PHTF1: variants seen among roughly 807,000 people sequenced by gnomAD.
The protein encoded by PHTF1 is protein PHTF1.
PHTF1 carries 88 observed loss-of-function variants against 102.4 expected under a neutral mutation model. The observed-to-expected ratio is 0.86, with a 90% CI of 0.72 to 1.03. The LOEUF (loss-of-function observed/expected upper bound fraction) is 1.03. Ranked by LOEUF, PHTF1 falls within the 50% of genes least tolerant of loss-of-function variation. PHTF1 has a pLI of 0.00. For synonymous variants in PHTF1, 289 were observed against 305.2 expected, an observed-to-expected ratio of 0.95 and a Z score of 0.55; for missense variants, 814 against 909.5, an observed-to-expected ratio of 0.89 and a Z score of 1.35.
At chr1:113,753,665 C>A (rs1300811370) in intron 3 of PHTF1, among the ~76,000 whole-genome samples, 1 of 151,852 alleles carries the variant, frequency 6.6e-6, no homozygotes, top group Non-Finnish European at 1.5e-5. Flanking sequence ...TGAGCTCATG[C>A]AATCTGCCTG....
chr1:113,735,853 C>G (rs1655406195), intron 5 of PHTF1, among the ~76,000 whole-genome samples: 1 of 152,186 alleles, frequency 6.6e-6, no homozygotes, highest in African/African-American at 2.4e-5. Context: ...ACTCTTTGTT[C>G]TAATTCATAT....
chr1:113,697,342 T>C lies in PHTF1; in HGVS notation c.*363A>G, dbSNP rs1194464486. Reference sequence around the variant, plus strand: ...ATTTGCATATTTCCAATAAAAGATATTTGCTTCATGCTTTGGGCATCTATC... The same window carrying C: ...ATTTGCATATTTCCAATAAAAGATACTTGCTTCATGCTTTGGGCATCTATC... On this transcript the variant is annotated 3_prime_UTR_variant, in exon 19 of 19. Coordinates refer to ENST00000369604, the MANE Select transcript of PHTF1 (RefSeq NM_001323043.2). 5.6e-6 allele frequency: 1 copy of C among 178,684 alleles called. No homozygotes were observed. The highest frequency in any genetic ancestry group is 2.4e-5 in the African/African-American group (1 of 42,112). The allele number at this position is 178,684 out of a possible 1,614,324, so 11.1% of individuals were successfully genotyped here. A position where few individuals can be genotyped will look rare whatever the true frequency, so the allele number is the denominator to read the frequency against.
intron 1 of PHTF1, 83 bp from the exon 2 acceptor site, chr1:113,758,816 TC>T: frequency 8.1e-6 from 12 of 1,473,936 alleles, no homozygotes; most frequent in Non-Finnish European, 1.1e-5. Context: ...AAACCGCTTC[TC>T]TCAGCCTCTC....
At position 113,698,305 on chromosome 1, in the gene PHTF1, G is replaced by T; in HGVS notation, c.2225C>A (p.Ala742Asp). 1 of 1,607,326 alleles carries T rather than the reference G, an allele frequency of 6.2e-7. No individual in the cohort carries two copies. Among genetic ancestry groups the T allele is most frequent in the Non-Finnish European group, 8.5e-7 (1 of 1,174,062 alleles). ...AAGATCACTTATAACACCTGAGACA[G>T]CAGAAAGGATAACTACTCTTGTGAT... ...YNITRVVILSAVSGVISDLLG... is the reference protein window; with the variant it reads ...YNITRVVILSDVSGVISDLLG... Residue 742 changes from alanine to aspartate, a missense_variant, in exon 18 of 19, where the codon GCT (alanine) becomes GAT (aspartate). Coordinates refer to ENST00000369604, the MANE Select transcript of PHTF1 (RefSeq NM_001323043.2).
intron 3 of PHTF1, among the ~76,000 whole-genome samples, chr1:113,754,468 T>A (rs938781547): frequency 2.0e-5 from 3 of 152,196 alleles, no homozygotes; most frequent in Non-Finnish European, 4.4e-5. Context: ...ATAGCTAGTG[T>A]CTGCCACATT....
intron 13 of PHTF1, 29 bp downstream of exon 13, chr1:113,705,861 T>TA: frequency 1.3e-6 from 2 of 1,581,222 alleles, no homozygotes; most frequent in Non-Finnish European, 8.6e-7. Context: ...CAAAAACAGG[T>TA]AAAAAATTTT....
intron 16 of PHTF1, among the ~76,000 whole-genome samples, chr1:113,700,452 CAAG>C (rs1444372959): frequency 6.6e-6 from 1 of 152,154 alleles, no homozygotes; most frequent in Admixed American, 6.5e-5. Context: ...CAGAAGAATT[CAAG>C]AAGCTTATTA....
In PHTF1 at chr1:113,698,370, A is replaced by G. The variant is rs147056689; in HGVS notation, c.2160T>C (p.Phe720=). 764 of 1,611,788 alleles carry G rather than the reference A, an allele frequency of 4.7e-4. 2 individuals are homozygous for G. Among genetic ancestry groups the G allele is most frequent in the Non-Finnish European group, 3.7e-4 (431 of 1,178,092 alleles). ...TKLLKELDTP[F]RLYGLTMNPL... ...GATTCATTGTCAGTCCATAGAGTCT[A>G]AATGGTGTGTCCAGCTCCTACAAAA... is the stretch of plus-strand genomic sequence containing the variant. The change falls in exon 18 of 19, where the codon TTT becomes TTC. Residue 720 remains phenylalanine (F), a synonymous_variant. Transcript: ENST00000369604.
chr1:113,754,155 A>C lies in PHTF1; in HGVS notation c.102+3544T>G, dbSNP rs6668022. ...GCTGGGCAGAGCGTCTCATGCCTATAATCTCGGCACTTTGAGAGGACAAGG... is the reference window on the plus strand; with the variant it reads ...GCTGGGCAGAGCGTCTCATGCCTATCATCTCGGCACTTTGAGAGGACAAGG... On this transcript the variant is annotated intron_variant, in intron 3 of 18. Transcript: ENST00000369604. 5.6e-3 allele frequency among the ~76,000 whole-genome samples: 855 copies of C among 152,292 alleles called. 6 individuals are homozygous for C. The highest frequency in any genetic ancestry group is 0.02 in the African/African-American group (827 of 41,554).
intron 17 of PHTF1, 102 bp from the exon 18 acceptor site, chr1:113,698,489 GCTGT>G: frequency 1.0e-6 from 1 of 987,622 alleles, no homozygotes; most frequent in African/African-American, 1.6e-5. Context: ...AATGCTTAAG[GCTGT>G]CTTTCCTTAA....
At chr1:113,707,225 G>C (rs979157728) in intron 11 of PHTF1, among the ~76,000 whole-genome samples, 1 of 152,088 alleles carries the variant, frequency 6.6e-6, no homozygotes, top group Non-Finnish European at 1.5e-5. Flanking sequence ...GATACTAAAA[G>C]GCCTTATAAA....
chr1:113,700,289 A>C, intron 16 of PHTF1: 1 of 484,090 alleles, frequency 2.1e-6, no homozygotes, highest in African/African-American at 2.1e-5. Context: ...GTTTTTATTC[A>C]AAGTTTATGG....
chr1:113,702,413 T>G (rs1649546921), intron 15 of PHTF1, among the ~76,000 whole-genome samples: 1 of 151,820 alleles, frequency 6.6e-6, no homozygotes, highest in Non-Finnish European at 1.5e-5. Flanking sequence ...TAAGTTTAAA[T>G]GGGCCAGACA....
At chr1:113,740,711 C>A (rs779619585) in intron 3 of PHTF1, among the ~76,000 whole-genome samples, 1 of 152,058 alleles carries the variant, frequency 6.6e-6, no homozygotes, top group Non-Finnish European at 1.5e-5. Flanking sequence ...ATCATTAATC[C>A]ATTTTGACTT....
At chr1:113,701,413 T>C (rs1224854183) in intron 15 of PHTF1, among the ~76,000 whole-genome samples, 2 of 152,222 alleles carry the variant, frequency 1.3e-5, no homozygotes, top group Admixed American at 1.3e-4. Context: ...ATTTATTGAG[T>C]GCCTATTATG....
chr1:113,750,838 T>C (rs1391078734), intron 3 of PHTF1, among the ~76,000 whole-genome samples: 1 of 147,710 alleles, frequency 6.8e-6, no homozygotes. Context: ...AGCAGGACTC[T>C]GTCTCCAAAA....
chr1:113,733,060 A>T (rs1171215285), intron 5 of PHTF1, among the ~76,000 whole-genome samples: 1 of 84,160 alleles, frequency 1.2e-5, no homozygotes, highest in Admixed American at 1.7e-4. Context: ...CGCCTGGCTA[A>T]TTTTTTTTTT....
chr1:113,723,614 C>G (rs1198374952), intron 7 of PHTF1, among the ~76,000 whole-genome samples: 2 of 152,142 alleles, frequency 1.3e-5, no homozygotes, highest in East Asian at 1.9e-4. Context: ...TCACCATATG[C>G]AAAAATCAAA....
chr1:113,738,054 A>T, intron 5 of PHTF1, 56 bp downstream of exon 5: 3 of 1,260,184 alleles, frequency 2.4e-6, no homozygotes, highest in Non-Finnish European at 3.4e-6. Context: ...TTCATTATTT[A>T]ATAGCAAAAG....
Sources: gnomAD v4.1 joint callset for allele counts (sites outside exome capture counted in the v4.1 genomes callset) on GRCh38, gnomAD v4.1.1 for gene constraint, MANE v1.5 for transcripts, NCBI Gene and HGNC (gene_info 2026-07-23, HGNC 2026-07-21) for gene names.